NCOA1: variants seen among roughly 807,000 people sequenced by gnomAD.
The protein encoded by NCOA1 is Hin-2 protein.
A neutral mutation model predicts 150.9 loss-of-function variants in NCOA1; 35 were observed. The ratio of observed to expected loss-of-function variants is 0.23; its 90% CI spans 0.18 to 0.31. The LOEUF (loss-of-function observed/expected upper bound fraction) is 0.31, where lower values mean the gene tolerates loss of function less well. Ranked by LOEUF, NCOA1 falls within the 10% of genes least tolerant of loss-of-function variation. NCOA1 has a pLI of 1.00. For missense variants in NCOA1, 1,491 were observed against 1,749.3 expected (o/e 0.85, Z 2.63); for synonymous variants, 590 against 630.0 (o/e 0.94, Z 0.95).
intron 14 of NCOA1, among the ~76,000 whole-genome samples, chr2:24,714,091 G>A (rs747459255): frequency 3.5e-4 from 53 of 152,080 alleles, no homozygotes; most frequent in Admixed American, 2.0e-4. Flanking sequence ...AATCAGAGTC[G>A]GTAGACCTTC....
chr2:24,638,898 A>T (rs1670058988), intron 3 of NCOA1, among the ~76,000 whole-genome samples: 1 of 152,096 alleles, frequency 6.6e-6, no homozygotes, highest in African/African-American at 2.4e-5. Context: ...TATATTCTGG[A>T]TATTAATCTC....
At chr2:24,677,774 G>C (rs542113182) in intron 7 of NCOA1, among the ~76,000 whole-genome samples, 9 of 152,262 alleles carry the variant, frequency 5.9e-5, no homozygotes, top group Admixed American at 2.6e-4. Flanking sequence ...GAAGCCTCAG[G>C]AAATTTACAA....
chr2:24,548,771 A>G (rs989902851), intron 1 of NCOA1, among the ~76,000 whole-genome samples: 1 of 152,212 alleles, frequency 6.6e-6, no homozygotes, highest in Non-Finnish European at 1.5e-5. Context: ...CTTTGACTCC[A>G]TGTCTCACAT....
chr2:24,670,306 A>G (rs909088707), intron 6 of NCOA1, among the ~76,000 whole-genome samples: 8 of 152,202 alleles, frequency 5.3e-5, no homozygotes, highest in African/African-American at 1.7e-4. Flanking sequence ...ATATGACCCA[A>G]TAATTCCAGT....
intron 8 of NCOA1, among the ~76,000 whole-genome samples, chr2:24,686,353 G>T (rs947394128): frequency 6.6e-6 from 1 of 151,962 alleles, no homozygotes; most frequent in Non-Finnish European, 1.5e-5. Context: ...TCCTGTACAG[G>T]GGGCTTTTGT....
At chr2:24,535,638 A>G (rs1467891923) in intron 1 of NCOA1, among the ~76,000 whole-genome samples, 1 of 152,166 alleles carries the variant, frequency 6.6e-6, no homozygotes, top group African/African-American at 2.4e-5. Flanking sequence ...CTTGTAAGGC[A>G]GGCCTGGTGG....
At chr2:24,765,463 C>T (rs1665014246) in intron 22 of NCOA1, among the ~76,000 whole-genome samples, 2 of 150,822 alleles carry the variant, frequency 1.3e-5, no homozygotes, top group African/African-American at 4.9e-5. Flanking sequence ...CGTGCCACTG[C>T]ACTCCAGCCT....
chr2:24,514,379 A>G (rs369898541), intron 1 of NCOA1, among the ~76,000 whole-genome samples: 22 of 152,064 alleles, frequency 1.4e-4, no homozygotes, highest in African/African-American at 5.1e-4. Flanking sequence ...CATTGGTAAT[A>G]GTCTTCATTA....
chr2:24,704,105 A>C (rs1673295338), intron 11 of NCOA1, among the ~76,000 whole-genome samples: 1 of 152,192 alleles, frequency 6.6e-6, no homozygotes, highest in Non-Finnish European at 1.5e-5. Flanking sequence ...GCCTTAACTT[A>C]GTTTTTGTTC....
intron 1 of NCOA1, among the ~76,000 whole-genome samples, chr2:24,550,169 A>C (rs1389939502): frequency 1.3e-5 from 2 of 151,998 alleles, no homozygotes; most frequent in African/African-American, 4.8e-5. Context: ...ACTTTCCCAC[A>C]TTTTCCTCTC....
chr2:24,617,972 A>G (rs542476871), intron 3 of NCOA1, among the ~76,000 whole-genome samples: 11 of 152,220 alleles, frequency 7.2e-5, no homozygotes, highest in Non-Finnish European at 1.0e-4. Flanking sequence ...TAGTGAAAAA[A>G]GATGCTCTTA....
At chr2:24,636,402 A>G (rs922883122) in intron 3 of NCOA1, among the ~76,000 whole-genome samples, 2 of 152,170 alleles carry the variant, frequency 1.3e-5, no homozygotes, top group African/African-American at 4.8e-5. Flanking sequence ...TATAGAAACA[A>G]TTGATATTTT....
At chr2:24,626,655 A>T (rs1669425295) in intron 3 of NCOA1, among the ~76,000 whole-genome samples, 1 of 152,190 alleles carries the variant, frequency 6.6e-6, no homozygotes, top group South Asian at 2.1e-4. Flanking sequence ...ATATCTAAAT[A>T]TGGCATCATT....
intron 14 of NCOA1, among the ~76,000 whole-genome samples, chr2:24,726,009 A>G (rs1438196265): frequency 1.3e-5 from 2 of 152,152 alleles, no homozygotes. Context: ...AAATGCATAT[A>G]CTATTTTCTT....
At chr2:24,533,607 T>G (rs1664992335) in intron 1 of NCOA1, among the ~76,000 whole-genome samples, 1 of 152,182 alleles carries the variant, frequency 6.6e-6, no homozygotes, top group Admixed American at 6.5e-5. Flanking sequence ...TCTTATTATT[T>G]TGAGATATGT....
rs949284971 is a variant in NCOA1 at position 24,769,936 on chromosome 2, A to G, written c.*1545A>G. Reference sequence around the variant, plus strand: ...CTGCCTCCATGGCAGAGAAAAGGCCATAAGAACAGTGGAAGAGGAGCATGG... The same window carrying G: ...CTGCCTCCATGGCAGAGAAAAGGCCGTAAGAACAGTGGAAGAGGAGCATGG... On this transcript the variant is annotated 3_prime_UTR_variant, in exon 23 of 23. Transcript: ENST00000348332. 2.2e-5 allele frequency: 5 copies of G among 227,246 alleles called. No homozygotes were observed. Among genetic ancestry groups the G allele is most frequent in the Non-Finnish European group, 4.4e-5 (5 of 114,066 alleles). 14.1% of individuals were successfully genotyped at this position (227,246 alleles called of 1,614,324 possible).
intron 15 of NCOA1, among the ~76,000 whole-genome samples, 181 bp downstream of exon 15, chr2:24,726,887 A>C (rs553662502): frequency 6.6e-6 from 1 of 151,680 alleles, no homozygotes; most frequent in South Asian, 2.1e-4. Flanking sequence ...CTGTAATCCC[A>C]GCACTTTGGG....
chr2:24,648,548 G>A (rs1406380494), intron 4 of NCOA1, among the ~76,000 whole-genome samples: 1 of 152,178 alleles, frequency 6.6e-6, no homozygotes, highest in Admixed American at 6.5e-5. Flanking sequence ...TGGGATTACA[G>A]GCGTGAGCAA....
Position 24,682,997 on chromosome 2 carries a change from T to C in NCOA1, c.401T>C (p.Val134Ala), listed in dbSNP as rs1347528329. ...GTTGTGAACTGTGAAGGGAGAATTG[T>C]ATTTGTGTCAGAGAATGTAACCAGC... is the stretch of plus-strand genomic sequence containing the variant. Reference protein sequence around the residue: ...FFVVNCEGRIVFVSENVTSYL... With the variant: ...FFVVNCEGRIAFVSENVTSYL... The change falls in exon 8 of 23, where the codon GTA becomes GCA. Residue 134 changes from valine to alanine, a missense_variant. By Grantham distance (64) the Val-to-Ala change is moderately conservative (BLOSUM62 0). Transcript: ENST00000348332. 2 of 1,607,448 alleles carry C rather than the reference T, an allele frequency of 1.2e-6. No homozygotes were observed. Among genetic ancestry groups the C allele is most frequent in the Non-Finnish European group, 1.7e-6 (2 of 1,177,594 alleles).
Sources: allele counts gnomAD v4.1 joint callset (sites outside exome capture counted in the v4.1 genomes callset), GRCh38; gene constraint gnomAD v4.1.1; transcripts MANE v1.5; gene names NCBI Gene and HGNC (gene_info 2026-07-23, HGNC 2026-07-21).